The following TRPV3 variants were observed in gnomAD, a reference collection of about 807,000 sequenced individuals.
TRPV3 encodes VRL-3.
In TRPV3, 88 loss-of-function variants were observed where a neutral mutation model predicts 87.1. The ratio of observed to expected loss-of-function variants is 1.01; its 90% CI spans 0.85 to 1.21. TRPV3 has a LOEUF of 1.21. TRPV3 is among the 50% of genes most tolerant of loss of function. The pLI, the probability that TRPV3 is intolerant of heterozygous loss-of-function variation, is 0.00. For synonymous variants in TRPV3, 438 were observed against 423.3 expected (o/e 1.03, Z -0.43); for missense variants, 1,054 against 1,030.1 (o/e 1.02, Z -0.32).
At chr17:3,531,445 C>CCAGGA (rs11280636) in intron 8 of TRPV3, among the ~76,000 whole-genome samples, 22,975 of 152,062 alleles carry the variant, frequency 0.15, 2,284 homozygotes, top group East Asian at 0.45. Context: ...TATAAAAGCC[C>CCAGGA]CAGGACGGTG....
Position 3,535,642 on chromosome 17 carries a change from C to A in TRPV3, c.715G>T (p.Ala239Ser). 6.2e-7 allele frequency: 1 copy of A among 1,608,214 alleles called. No individual in the cohort carries two copies. The highest frequency in any genetic ancestry group is 8.5e-7 in the Non-Finnish European group (1 of 1,178,254). Residue 239 changes from alanine to serine, a missense_variant, in exon 7 of 18, where the codon GCC (alanine) becomes TCC (serine). By Grantham distance (99) the Ala-to-Ser change is moderately conservative. Transcript: ENST00000576742. ...DIAALLIAAG[A>S]DVNAHAKGAF... is the part of the protein sequence containing the mutation. ...CCCTTGGCGTGCGCGTTGACGTCGG[C>A]GCCGGCGGCGATGAGCAGGGCTGCG...
Position 3,542,570 on chromosome 17 carries a change from T to G in TRPV3, c.595A>C (p.Ile199Leu). Residue 199 changes from isoleucine (I) to leucine (L), a missense_variant, in exon 6 of 18, where the codon ATC becomes CTC. Ile to Leu is a conservative substitution (Grantham distance 5, BLOSUM62 2). Transcript: ENST00000576742. ...ILLAFAEEND[I>L]LGRFINAEYT... ...TCGGCGTTGATGAACCTGCCCAGGA[T>G]GTCGTTCTCTTCAGCAAAGGCAAGC... The G allele has an allele frequency of 4.3e-6, 7 of 1,613,922 alleles. No homozygotes were observed. The highest frequency in any genetic ancestry group is 5.9e-6 in the Non-Finnish European group (7 of 1,179,898).
rs375468798 is a variant in TRPV3 at position 3,554,715 on chromosome 17, G to C, written c.119+17C>G. On this transcript the variant is annotated intron_variant, in intron 2 of 17. Transcript: ENST00000576742. ...CTCACAGTGCCGCAGTCCGTGTCCCGAGCTCTCCAAACCCACCTCTTCTTT... is the reference window on the plus strand; with the variant it reads ...CTCACAGTGCCGCAGTCCGTGTCCCCAGCTCTCCAAACCCACCTCTTCTTT... The C allele has an allele frequency of 1.3e-6, 2 of 1,570,438 alleles. No individual in the cohort carries two copies. The highest frequency in any genetic ancestry group is 1.7e-6 in the Non-Finnish European group (2 of 1,145,118).
Position 3,513,844 on chromosome 17 carries a change from T to C in TRPV3, c.*73A>G. 7.5e-7 allele frequency: 1 copy of C among 1,326,872 alleles called. No individual in the cohort carries two copies. The highest frequency in any genetic ancestry group is 1.1e-6 in the Non-Finnish European group (1 of 930,124). 82.2% of individuals were successfully genotyped at this position (1,326,872 alleles called of 1,614,324 possible). A position where few individuals can be genotyped will look rare whatever the true frequency, so the allele number is the denominator to read the frequency against. ...CCGGACTCCACCATCCCTCAAAGCC[T>C]CTCTGCACAGAGTCGGTGACTCCGC... On this transcript the variant is annotated 3_prime_UTR_variant, in exon 18 of 18. Transcript: ENST00000576742.
Position 3,532,940 on chromosome 17 carries a change from G to C in TRPV3, c.785-3C>G, listed in dbSNP as rs2074362671. On this transcript the variant is annotated splice_polypyrimidine_tract_variant and splice_region_variant and intron_variant, in intron 7 of 17. Transcript: ENST00000576742. ...TGCCAGGGCCAGGGGCGTCTCACCTGGGGGATGAGCGCACTGAAGCTTGGT... is the reference window on the plus strand; with the variant it reads ...TGCCAGGGCCAGGGGCGTCTCACCTCGGGGATGAGCGCACTGAAGCTTGGT... 3 of 1,613,364 alleles carry C rather than the reference G, an allele frequency of 1.9e-6. No homozygotes were observed. The highest frequency in any genetic ancestry group is 1.7e-5 in the Admixed American group (1 of 60,016).
At chr17:3,541,211 C>CA (rs1448155480) in intron 6 of TRPV3, among the ~76,000 whole-genome samples, 7 of 151,846 alleles carry the variant, frequency 4.6e-5, no homozygotes, top group Non-Finnish European at 8.8e-5. Context: ...ACTAAAAATC[C>CA]AAAAAAATTA....
chr17:3,515,324 C>T (rs141038518), intron 16 of TRPV3, among the ~76,000 whole-genome samples: 2 of 152,198 alleles, frequency 1.3e-5, no homozygotes, highest in Non-Finnish European at 2.9e-5. Context: ...TCTGTAGGCT[C>T]AGGCAGTTGG....
rs996256314 is a variant in TRPV3, at chr17:3,544,671, G to A, written c.225-6C>T. ...CATCACAGTTACCAGAGATGCTGGAGGTGTTGGCAGGGGGAACAGAGAGGG... is the reference window on the plus strand; with the variant it reads ...CATCACAGTTACCAGAGATGCTGGAAGTGTTGGCAGGGGGAACAGAGAGGG... On this transcript the variant is annotated splice_region_variant and splice_polypyrimidine_tract_variant and intron_variant, in intron 3 of 17. Coordinates refer to ENST00000576742, the MANE Select transcript of TRPV3 (RefSeq NM_145068.4). 5 of 1,604,400 alleles carry A rather than the reference G, an allele frequency of 3.1e-6. No individual in the cohort carries two copies. The highest frequency in any genetic ancestry group is 1.7e-5 in the Admixed American group (1 of 59,612).
At position 3,544,165 on chromosome 17, in the gene TRPV3, C is replaced by T. The variant is rs534758705; in HGVS notation, c.311+414G>A. Among the ~76,000 whole-genome samples, 25 of 152,318 alleles carry T rather than the reference C, an allele frequency of 1.6e-4. No homozygotes were observed. The South Asian group carries it at 2.9e-3, about 18-fold the overall frequency. On this transcript the variant is annotated intron_variant, in intron 4 of 17. Transcript: ENST00000576742. ...CTGGGATTACAGGCATGCGCCACCA[C>T]GCCCGGCTAAGTTTTGTATTTTTAG... is the stretch of plus-strand genomic sequence containing the variant.
Position 3,542,606 on chromosome 17 carries a change from CTA to C in TRPV3, c.557_558del (p.Ile186SerfsTer9), listed in dbSNP as rs1369740749. On this transcript the variant is annotated frameshift_variant, in exon 6 of 18. Transcript: ENST00000576742. LOFTEE classifies it high-confidence loss of function. ...LLNINPNTKE[I>X]VRILLAFAEE... is the part of the protein sequence containing the mutation. ...TCAGCAAAGGCAAGCAGGATCCGCACTATCTCCTTGGTGTTGGGGTTGATGTT... is the reference window on the plus strand; with the variant it reads ...TCAGCAAAGGCAAGCAGGATCCGCACTCTCCTTGGTGTTGGGGTTGATGTT... The C allele has an allele frequency of 6.2e-7, 1 of 1,613,918 alleles. No individual in the cohort carries two copies. Among genetic ancestry groups the C allele is most frequent in the African/African-American group, 1.3e-5 (1 of 74,912 alleles).
rs371822136 is a variant in TRPV3 at position 3,542,231 on chromosome 17, C to G, written c.643+291G>C. ...CTCAGCCTCCCAAAGTGCTGGGATT[C>G]CAGGCGTGAGCCACCACGCCCGGCC... On this transcript the variant is annotated intron_variant, in intron 6 of 17. Transcript: ENST00000576742. Among the ~76,000 whole-genome samples the G allele has an allele frequency of 4.6e-5, 7 of 152,138 alleles. No individual in the cohort carries two copies. The East Asian group carries it at 1.4e-3, about 29-fold the overall frequency.
At chr17:3,543,015 G>A (rs322938) in intron 5 of TRPV3, among the ~76,000 whole-genome samples, 31 of 151,280 alleles carry the variant, frequency 2.0e-4, no homozygotes, top group African/African-American at 7.5e-4. Context: ...CTCGTGGCCT[G>A]CAAATAAAGC....
chr17:3,535,180 C>T (rs2074388585), intron 7 of TRPV3, among the ~76,000 whole-genome samples: 1 of 82,490 alleles, frequency 1.2e-5, no homozygotes, highest in Non-Finnish European at 2.2e-5. Context: ...CTCCTTCCTC[C>T]TCCCTTCCTC....
intron 1 of TRPV3, among the ~76,000 whole-genome samples, chr17:3,555,604 C>T (rs2150810640): frequency 6.6e-6 from 1 of 152,280 alleles, no homozygotes; most frequent in Middle Eastern, 3.4e-3. Context: ...ACCTGCTTTA[C>T]TGATGCTCAA....
At chr17:3,517,834 T>C (rs988813547) in intron 15 of TRPV3, among the ~76,000 whole-genome samples, 1 of 151,246 alleles carries the variant, frequency 6.6e-6, no homozygotes, top group Admixed American at 6.6e-5. Flanking sequence ...TTTTCTATTT[T>C]TGAGACAGAG....
rs2074609445 is a variant in TRPV3 at position 3,554,653 on chromosome 17, G to A, written c.119+79C>T. 8.1e-6 allele frequency: 8 copies of A among 990,722 alleles called. 1 individual carries two copies. Among genetic ancestry groups the A allele is most frequent in the Non-Finnish European group, 1.2e-5 (8 of 669,804 alleles). 61.4% of individuals were successfully genotyped at this position (990,722 alleles called of 1,614,324 possible). ...GAGTCTCAGGTCTCCCCAAGGCAAG[G>A]GCTCCCTGGGGGGGTGCCAGGCCCC... On this transcript the variant is annotated intron_variant, in intron 2 of 17. Coordinates refer to ENST00000576742, the MANE Select transcript of TRPV3 (RefSeq NM_145068.4).
In TRPV3 at chr17:3,525,225, G is replaced by A. The variant is rs182817800; in HGVS notation, c.1578-862C>T. On this transcript the variant is annotated intron_variant, in intron 12 of 17. Transcript: ENST00000576742. ...AGTAGAGATGGGGTTTCACCATGTT[G>A]GCCAGGCTGGTCTCGAACTTCTGAC... Among the ~76,000 whole-genome samples the A allele has an allele frequency of 4.0e-3, 616 of 152,280 alleles. 3 individuals carry two copies. Among genetic ancestry groups the A allele is most frequent in the Non-Finnish European group, 7.3e-3 (496 of 68,024 alleles).
In TRPV3 at chr17:3,521,004, T is replaced by C. The variant is rs531779012; in HGVS notation, c.1779A>G (p.Val593=). The change falls in exon 14 of 18, where the codon GTA becomes GTG. Residue 593 remains valine, a synonymous_variant. Transcript: ENST00000576742. ...ILHDVLKFLF[V]YIVFLLGFGV... is the part of the protein sequence containing the mutation. ...CAAATCCAAGCAAAAACACGATATA[T>C]ACAAACAAGAACTTCAGAACATCAT... The C allele has an allele frequency of 3.7e-6, 6 of 1,608,460 alleles. No individual in the cohort carries two copies. The highest frequency in any genetic ancestry group is 4.3e-6 in the Non-Finnish European group (5 of 1,175,972).
Position 3,556,307 on chromosome 17 carries a change from G to T in TRPV3, c.-3+1369C>A, listed in dbSNP as rs71360947. 6.6e-6 allele frequency among the ~76,000 whole-genome samples: 1 copy of T among 152,058 alleles called. No homozygotes were observed. The highest frequency in any genetic ancestry group is 1.5e-5 in the Non-Finnish European group (1 of 67,998). The stretch of plus-strand genomic sequence containing the variant: ...ACATAGGAGAGCGCGGGCTGCGTTG[G>T]GGGGTGGGGGAGACCAGAAGCCAGG... On this transcript the variant is annotated intron_variant, in intron 1 of 17. Transcript: ENST00000576742. This position sits in a 1 kb window ranked among gnomAD's most constrained non-coding sequence, Gnocchi z 4.2.
Sources: gnomAD v4.1 joint callset for allele counts (sites outside exome capture counted in the v4.1 genomes callset) on GRCh38, gnomAD v4.1.1 for gene constraint, Gnocchi (gnomAD v3.1) non-coding constraint, MANE v1.5 for transcripts, NCBI Gene and HGNC (gene_info 2026-07-23, HGNC 2026-07-21) for gene names.